FHIT: variants seen among roughly 807,000 people sequenced by gnomAD.
The protein encoded by FHIT is bis(5'-adenosyl)-triphosphatase.
FHIT carries 19 observed loss-of-function variants against 17.9 expected under a neutral mutation model. The observed-to-expected ratio is 1.06, with a 90% CI of 0.74 to 1.56. FHIT has a LOEUF of 1.56. FHIT is among the 40% of genes most tolerant of loss of function. The probability of loss-of-function intolerance (pLI) is 0.00; values close to 1 mark genes in which losing one functional copy is unlikely to be tolerated. For missense variants in FHIT, 248 were observed against 189.2 expected (o/e 1.31, Z -1.82); for synonymous variants, 81 against 69.7 (o/e 1.16, Z -0.81).
chr3:60,353,036 A>C (rs939548754), intron 5 of FHIT, among the ~76,000 whole-genome samples: 42 of 152,172 alleles, frequency 2.8e-4, no homozygotes, highest in Non-Finnish European at 7.4e-5. Flanking sequence ...ATTTGTTTGG[A>C]GATCAGTTCT....
chr3:60,426,700 A>G (rs1006177796), intron 5 of FHIT, among the ~76,000 whole-genome samples: 1 of 151,962 alleles, frequency 6.6e-6, no homozygotes, highest in Non-Finnish European at 1.5e-5. Flanking sequence ...GATCATCACA[A>G]TTTTCTACTT....
intron 5 of FHIT, among the ~76,000 whole-genome samples, chr3:60,507,871 G>A (rs971730298): frequency 1.3e-5 from 2 of 152,168 alleles, no homozygotes; most frequent in South Asian, 2.1e-4. Context: ...TTTTATGGCT[G>A]CATAGTATTC....
At chr3:60,788,310 T>A (rs1372430990) in intron 4 of FHIT, among the ~76,000 whole-genome samples, 1 of 151,900 alleles carries the variant, frequency 6.6e-6, no homozygotes, top group African/African-American at 2.4e-5. Context: ...AAAAAAATAT[T>A]GTAATCAGAG....
intron 5 of FHIT, chr3:60,077,414 A>G (rs1408553786): frequency 6.6e-6 from 1 of 152,006 alleles, no homozygotes; most frequent in Non-Finnish European, 1.5e-5. Context: ...TCCAAAAAAT[A>G]AAAATAAAAA....
At chr3:59,772,440 A>C (rs1167239690) in intron 8 of FHIT, among the ~76,000 whole-genome samples, 1 of 152,252 alleles carries the variant, frequency 6.6e-6, no homozygotes, top group Non-Finnish European at 1.5e-5. Flanking sequence ...ACACTGTTTT[A>C]AACACTTTAC....
At chr3:60,824,918 T>G (rs547698700) in intron 3 of FHIT, among the ~76,000 whole-genome samples, 1 of 152,296 alleles carries the variant, frequency 6.6e-6, no homozygotes, top group East Asian at 1.9e-4. Context: ...TTGCCCAATC[T>G]CCAGTATGTC....
At chr3:61,150,473 T>C (rs1456211587) in intron 2 of FHIT, among the ~76,000 whole-genome samples, 1 of 152,072 alleles carries the variant, frequency 6.6e-6, no homozygotes, top group African/African-American at 2.4e-5. Flanking sequence ...GCCCAGCCAT[T>C]TAACTCATAT....
intron 8 of FHIT, among the ~76,000 whole-genome samples, chr3:59,795,553 T>C (rs1455760601): frequency 6.6e-6 from 1 of 151,046 alleles, no homozygotes; most frequent in African/African-American, 2.4e-5. Context: ...CAAAACCTCA[T>C]CTCTACCAAA....
chr3:60,937,857 C>T (rs368905958), intron 3 of FHIT, among the ~76,000 whole-genome samples: 19 of 152,080 alleles, frequency 1.2e-4, no homozygotes, highest in African/African-American at 2.9e-4. Flanking sequence ...CCACCACGCC[C>T]GGCCCTCTGC....
At chr3:60,566,771 CA>C (rs1391142387) in intron 4 of FHIT, among the ~76,000 whole-genome samples, 1 of 151,838 alleles carries the variant, frequency 6.6e-6, no homozygotes, top group Admixed American at 6.6e-5. Context: ...TCTCAAGATA[CA>C]AAATCAATGT....
intron 4 of FHIT, among the ~76,000 whole-genome samples, chr3:60,635,852 G>A (rs1182560122): frequency 1.3e-5 from 2 of 152,064 alleles, no homozygotes; most frequent in African/African-American, 2.4e-5. Flanking sequence ...TTGCCTTTGT[G>A]AGCCACATAT....
intron 7 of FHIT, among the ~76,000 whole-genome samples, chr3:59,975,484 T>C (rs1489152993): frequency 6.6e-6 from 1 of 152,132 alleles, no homozygotes; most frequent in African/African-American, 2.4e-5. Context: ...ATGTTAGCCA[T>C]TATTTTTATT....
At chr3:61,053,183 GT>G (rs1407463238) in intron 2 of FHIT, among the ~76,000 whole-genome samples, 1 of 152,074 alleles carries the variant, frequency 6.6e-6, no homozygotes, top group Non-Finnish European at 1.5e-5. Context: ...ACTAAAAAAT[GT>G]ACTTAAGAGA....
chr3:61,212,287 C>T (rs1164782726), intron 1 of FHIT, among the ~76,000 whole-genome samples: 1 of 152,006 alleles, frequency 6.6e-6, no homozygotes, highest in Non-Finnish European at 1.5e-5. Flanking sequence ...CTAGAATAAC[C>T]AATACAGAGA....
chr3:61,103,306 T>C (rs1199847646), intron 2 of FHIT, among the ~76,000 whole-genome samples: 1 of 152,216 alleles, frequency 6.6e-6, no homozygotes, highest in African/African-American at 2.4e-5. Flanking sequence ...TTCATTTCAT[T>C]ATTTACCCAG....
At chr3:60,093,287 G>A (rs183590346) in intron 5 of FHIT, among the ~76,000 whole-genome samples, 95 of 152,126 alleles carry the variant, frequency 6.2e-4, no homozygotes, top group Admixed American at 2.7e-3. Context: ...ACATTCCTTG[G>A]CTCGTGGCCT....
intron 3 of FHIT, among the ~76,000 whole-genome samples, chr3:61,015,621 T>C (rs1434113965): frequency 1.3e-5 from 2 of 152,176 alleles, no homozygotes; most frequent in African/African-American, 4.8e-5. Flanking sequence ...ATTAGCAATT[T>C]TATGCATTCA....
At chr3:61,199,419 T>C (rs913142047) in intron 2 of FHIT, among the ~76,000 whole-genome samples, 22 of 152,318 alleles carry the variant, frequency 1.4e-4, no homozygotes, top group African/African-American at 5.3e-4. Context: ...AAAATAAGAA[T>C]TATCTACTGC....
chr3:59,970,706 C>T (rs754527344), intron 7 of FHIT, among the ~76,000 whole-genome samples: 3 of 152,022 alleles, frequency 2.0e-5, no homozygotes, highest in South Asian at 2.1e-4. Flanking sequence ...CTCATCCTGC[C>T]ATTTGTTAAT....
Sources: gnomAD v4.1 joint callset for allele counts (sites outside exome capture counted in the v4.1 genomes callset) on GRCh38, gnomAD v4.1.1 for gene constraint, MANE v1.5 for transcripts, NCBI Gene and HGNC (gene_info 2026-07-23, HGNC 2026-07-21) for gene names.